Variants in TSPAN16 observed in about 807,000 individuals in gnomAD.
TSPAN16 encodes tetraspanin-16.
In TSPAN16, 23 loss-of-function variants were observed where a neutral mutation model predicts 25.2. The ratio of observed to expected loss-of-function variants is 0.91; its 90% CI spans 0.66 to 1.29. The LOEUF is 1.29. Among genes scored for constraint, TSPAN16 ranks in the 50% most tolerant of loss-of-function variants. The pLI is 0.00. For synonymous variants in TSPAN16, 123 were observed against 124.4 expected, an observed-to-expected ratio of 0.99 and a Z score of 0.08; for missense variants, 272 against 299.9, an observed-to-expected ratio of 0.91 and a Z score of 0.69.
chr19:11,296,509 G>T, intron 1 of TSPAN16, 143 bp downstream of exon 1: 1 of 792,392 alleles, frequency 1.3e-6, no homozygotes, highest in South Asian at 1.6e-5. Flanking sequence ...AGGGCAGACG[G>T]AGGAGGAGGA....
chr19:11,297,266 A>G (rs1353145556), intron 1 of TSPAN16, among the ~76,000 whole-genome samples: 1 of 152,080 alleles, frequency 6.6e-6, no homozygotes, highest in East Asian at 1.9e-4. Flanking sequence ...GCTCGAGACC[A>G]GCTATAGTGA....
chr19:11,307,013 C>T (rs1011261103), intron 5 of TSPAN16, among the ~76,000 whole-genome samples: 9 of 152,026 alleles, frequency 5.9e-5, no homozygotes, highest in African/African-American at 2.2e-4. Flanking sequence ...TGGGGTTTCA[C>T]CATGTTGGCC....
At position 11,315,934 on chromosome 19, in the gene TSPAN16, G is replaced by A; in HGVS notation, c.*96G>A. 1.6e-6 allele frequency: 2 copies of A among 1,230,416 alleles called. No homozygotes were observed. The highest frequency in any genetic ancestry group is 1.0e-6 in the Non-Finnish European group (1 of 986,980). The allele number at this position is 1,230,416 out of a possible 1,614,324, so 76.2% of individuals were successfully genotyped here. ...CTCTGTGGCACTCACTGCTTCTGGAGGGGAGACTGTTAATAAAAGATTTGG... is the reference window on the plus strand; with the variant it reads ...CTCTGTGGCACTCACTGCTTCTGGAAGGGAGACTGTTAATAAAAGATTTGG... On this transcript the variant is annotated 3_prime_UTR_variant, in exon 7 of 7. Coordinates refer to ENST00000590327, the MANE Select transcript of TSPAN16 (RefSeq NM_001282509.2).
downstream of TSPAN16, among the ~76,000 whole-genome samples, chr19:11,318,205 T>C (rs1419930907): frequency 2.0e-5 from 3 of 151,960 alleles, no homozygotes; most frequent in Non-Finnish European, 4.4e-5. Flanking sequence ...TTTTTGTATT[T>C]TTATAGAGAT....
At chr19:11,304,371 G>GT (rs2080602707) in intron 4 of TSPAN16, among the ~76,000 whole-genome samples, 1 of 151,052 alleles carries the variant, frequency 6.6e-6, no homozygotes, top group Admixed American at 6.6e-5. Flanking sequence ...AGACAGAGTC[G>GT]TACTCCCAAA....
In TSPAN16 at chr19:11,321,182, A is replaced by T. The variant is rs1202348234; in HGVS notation, c.688-5612A>T. On this transcript the variant is annotated intron_variant, in intron 6 of 6. Transcript: ENST00000316737. ...GACTGAGTCTCAAAAAAAAAAAAAC[A>T]AAAAAATACCCAAAAAAACATAAGA... The T allele has an allele frequency of 3.3e-5, 5 of 151,630 alleles. No homozygotes were observed. The East Asian group carries it at 7.7e-4, about 23-fold the overall frequency. 9.4% of individuals were successfully genotyped at this position (151,630 alleles called of 1,614,324 possible). A position where few individuals can be genotyped will look rare whatever the true frequency, so the allele number is the denominator to read the frequency against.
intron 3 of TSPAN16, among the ~76,000 whole-genome samples, chr19:11,299,908 C>A (rs1405374739): frequency 6.7e-6 from 1 of 150,160 alleles, no homozygotes; most frequent in Non-Finnish European, 1.5e-5. Flanking sequence ...ACCCGGGAGC[C>A]AGAGGTTGCA....
intron 6 of TSPAN16, among the ~76,000 whole-genome samples, chr19:11,314,908 G>T (rs2080729751): frequency 6.6e-6 from 1 of 152,080 alleles, no homozygotes; most frequent in African/African-American, 2.4e-5. Context: ...GGAGTCTGGG[G>T]AATATGGTCC....
intron 4 of TSPAN16, among the ~76,000 whole-genome samples, chr19:11,304,526 TTTTA>T (rs976681748): frequency 2.0e-5 from 3 of 151,244 alleles, no homozygotes; most frequent in Non-Finnish European, 2.9e-5. Context: ...AAATTTTTAT[TTTTA>T]TTTATTTATT....
chr19:11,302,682 C>G (rs74180177), intron 4 of TSPAN16, among the ~76,000 whole-genome samples: 1 of 128,538 alleles, frequency 7.8e-6, no homozygotes, highest in African/African-American at 3.6e-5. Context: ...TATATATACA[C>G]ACACACACAC....
At chr19:11,324,168 C>G (rs962416445) in intron 6 of TSPAN16, 14 of 152,214 alleles carry the variant, frequency 9.2e-5, no homozygotes, top group African/African-American at 3.4e-4. Flanking sequence ...CCCAGCATCC[C>G]TTAGAAGTGA....
chr19:11,297,562 T>A (rs1039603414), intron 1 of TSPAN16, among the ~76,000 whole-genome samples: 20 of 151,912 alleles, frequency 1.3e-4, no homozygotes, highest in Admixed American at 1.3e-3. Flanking sequence ...AGTGGCATGA[T>A]CTCAGCTCAC....
chr19:11,297,221 G>A (rs1007165158), intron 1 of TSPAN16, among the ~76,000 whole-genome samples: 3 of 152,134 alleles, frequency 2.0e-5, no homozygotes, highest in African/African-American at 7.2e-5. Context: ...CCAGCACTTT[G>A]GGAGGCCGAG....
At chr19:11,320,969 G>T (rs2080775412) in intron 6 of TSPAN16, among the ~76,000 whole-genome samples, 1 of 152,058 alleles carries the variant, frequency 6.6e-6, no homozygotes, top group Admixed American at 6.5e-5. Flanking sequence ...AGGCGTTCGA[G>T]ACCAGCCTGG....
chr19:11,296,172 C>A lies in TSPAN16; in HGVS notation c.-126C>A. ...TTGGACAACCATCAGGCAGCCAGGACACAGAGGGGCAGAGCAAGTCAGCAT... is the reference window on the plus strand; with the variant it reads ...TTGGACAACCATCAGGCAGCCAGGAAACAGAGGGGCAGAGCAAGTCAGCAT... On this transcript the variant is annotated 5_prime_UTR_variant, in exon 1 of 7. Coordinates refer to ENST00000590327, the MANE Select transcript of TSPAN16 (RefSeq NM_001282509.2). The A allele has an allele frequency of 2.0e-6, 2 of 977,686 alleles. No individual in the cohort carries two copies. Among genetic ancestry groups the A allele is most frequent in the South Asian group, 1.5e-5 (1 of 65,150 alleles). The allele number at this position is 977,686 out of a possible 1,614,324, so 60.6% of individuals were successfully genotyped here. A position where few individuals can be genotyped will look rare whatever the true frequency, so the allele number is the denominator to read the frequency against.
At chr19:11,318,307 G>A (rs368832687), downstream of TSPAN16, among the ~76,000 whole-genome samples, 22 of 151,946 alleles carry the variant, frequency 1.4e-4, no homozygotes, top group Non-Finnish European at 2.6e-4. Context: ...TTACAGGTGT[G>A]AGCCACCACA....
intron 5 of TSPAN16, among the ~76,000 whole-genome samples, chr19:11,307,549 G>C (rs973951301): frequency 6.6e-6 from 1 of 152,134 alleles, no homozygotes; most frequent in African/African-American, 2.4e-5. Context: ...CTCCCGAGTA[G>C]CTGGGACCAC....
Position 11,325,991 on chromosome 19 carries a change from C to T in TSPAN16, c.688-803C>T, listed in dbSNP as rs150960370. On this transcript the variant is annotated intron_variant, in intron 6 of 6. Coordinates refer to the TSPAN16 transcript ENST00000316737. ...ATCCCAGCACTTTGGGAGGCCGAGG[C>T]GGGAGGATCATTTGAGGTCAGGAGT... 3.8e-3 allele frequency among the ~76,000 whole-genome samples: 574 copies of T among 152,090 alleles called. 9 individuals carry two copies. Among genetic ancestry groups the T allele is most frequent in the African/African-American group, 0.013 (551 of 41,484 alleles).
chr19:11,310,181 AG>A (rs1169438262), intron 5 of TSPAN16, among the ~76,000 whole-genome samples: 2 of 151,898 alleles, frequency 1.3e-5, no homozygotes, highest in Non-Finnish European at 2.9e-5. Context: ...AAGCCTCCAG[AG>A]GTGAGATGTG....
Sources: allele counts gnomAD v4.1 joint callset (sites outside exome capture counted in the v4.1 genomes callset), GRCh38; gene constraint gnomAD v4.1.1; transcripts MANE v1.5; gene names NCBI Gene and HGNC (gene_info 2026-07-23, HGNC 2026-07-21).